The following ZMIZ2 variants were observed in gnomAD, a reference collection of about 807,000 sequenced individuals.
ZMIZ2 encodes the protein zinc finger MIZ-type containing 2, also known as zinc finger MIZ domain-containing protein 2.
ZMIZ2 carries 26 observed loss-of-function variants against 93.9 expected under a neutral mutation model. The ratio of observed to expected loss-of-function variants is 0.28; its 90% CI spans 0.20 to 0.38. The LOEUF (loss-of-function observed/expected upper bound fraction) is 0.38, where lower values mean the gene tolerates loss of function less well. Ranked by LOEUF, ZMIZ2 falls within the 10% of genes least tolerant of loss-of-function variation. ZMIZ2 has a pLI of 1.00. For missense variants in ZMIZ2, 1,023 were observed against 1,235.0 expected, an observed-to-expected ratio of 0.83 and a Z score of 2.57; for synonymous variants, 485 against 516.4, an observed-to-expected ratio of 0.94 and a Z score of 0.82.
At chr7:44,758,182 TAA>T (rs920331122) in intron 6 of ZMIZ2, 74 bp downstream of exon 6, 101 of 1,449,220 alleles carry the variant, frequency 7.0e-5, no homozygotes, top group Non-Finnish European at 8.7e-5. Context: ...AGAGCTGTGG[TAA>T]AGAGCAGGCT....
chr7:44,766,881 G>A lies in ZMIZ2; in HGVS notation c.2655+218G>A, dbSNP rs538367701. 3.3e-5 allele frequency among the ~76,000 whole-genome samples: 5 copies of A among 152,264 alleles called. No homozygotes were observed. In the South Asian group the frequency reaches 6.2e-4, roughly 19 times the overall value. On this transcript the variant is annotated intron_variant, in intron 18 of 18. Coordinates refer to ENST00000309315, the MANE Select transcript of ZMIZ2 (RefSeq NM_031449.4). The surrounding 1 kb of genome is among the most constrained non-coding windows in gnomAD (Gnocchi z 4.4). ...TGTGTTCATGAGGGGCCTGGATGCC[G>A]TACGGGCGGACGCAGAGTCTCAGAG...
At chr7:44,759,963 C>T (rs1791002890) in intron 7 of ZMIZ2, 188 bp from the exon 8 acceptor site, 2 of 660,708 alleles carry the variant, frequency 3.0e-6, no homozygotes, top group Non-Finnish European at 5.1e-6. Context: ...TCTTTTCAGC[C>T]CCTCCAACCT....
At chr7:44,757,321 C>T in intron 4 of ZMIZ2, 57 bp from the exon 5 acceptor site, 1 of 1,570,560 alleles carries the variant, frequency 6.4e-7, no homozygotes, top group African/African-American at 1.4e-5. Flanking sequence ...GGGGTGAGCA[C>T]AGTCCTGGCC....
intron 1 of ZMIZ2, among the ~76,000 whole-genome samples, chr7:44,752,188 G>A (rs991087664): frequency 3.6e-4 from 54 of 151,100 alleles, no homozygotes; most frequent in African/African-American, 1.3e-3. Flanking sequence ...GGAGTGCAAT[G>A]GTGCGATCGG....
chr7:44,761,420 A>T lies in ZMIZ2; in HGVS notation c.1241-29A>T, dbSNP rs764814245. On this transcript the variant is annotated intron_variant, in intron 9 of 18. Transcript: ENST00000309315. The surrounding 1 kb of genome is among the most constrained non-coding windows in gnomAD (Gnocchi z 5.8). ...CAAGACGCTCTGGCTGGGGCAACCCAGCTCACAGCCAGTGGCCTCTGCTCC... is the reference window on the plus strand; with the variant it reads ...CAAGACGCTCTGGCTGGGGCAACCCTGCTCACAGCCAGTGGCCTCTGCTCC... 6.2e-7 allele frequency: 1 copy of T among 1,608,046 alleles called. No individual in the cohort carries two copies. The highest frequency in any genetic ancestry group is 1.1e-5 in the South Asian group (1 of 90,842).
rs1439659264 is a variant in ZMIZ2, at chr7:44,765,630, T to C, written c.2242+51T>C. On this transcript the variant is annotated intron_variant, in intron 16 of 18. Coordinates refer to ENST00000309315, the MANE Select transcript of ZMIZ2 (RefSeq NM_031449.4). The surrounding 1 kb of genome is among the most constrained non-coding windows in gnomAD (Gnocchi z 4.1). ...CCTCAGATGACCCTGGGCATATGGCTCCTCTCCCCAGATCAGTCTCCTCAC... is the reference window on the plus strand; with the variant it reads ...CCTCAGATGACCCTGGGCATATGGCCCCTCTCCCCAGATCAGTCTCCTCAC... 1.3e-6 allele frequency: 2 copies of C among 1,560,054 alleles called. No homozygotes were observed. The highest frequency in any genetic ancestry group is 1.7e-6 in the Non-Finnish European group (2 of 1,156,118).
At position 44,759,480 on chromosome 7, in the gene ZMIZ2, G is replaced by T; in HGVS notation, c.993+20G>T. 2.1e-6 allele frequency: 3 copies of T among 1,458,306 alleles called. No individual in the cohort carries two copies. The highest frequency in any genetic ancestry group is 2.7e-6 in the Non-Finnish European group (3 of 1,101,666). The allele number at this position is 1,458,306 out of a possible 1,614,324, so 90.3% of individuals were successfully genotyped here. ...TATAAGGTAGGGCAGGCTCCTCCAG[G>T]CCCTGTGCCGGGCTCCGTGCTGAGT... On this transcript the variant is annotated intron_variant, in intron 7 of 18. Coordinates refer to ENST00000309315, the MANE Select transcript of ZMIZ2 (RefSeq NM_031449.4).
chr7:44,768,951 C>T lies in ZMIZ2; in HGVS notation c.*1328C>T, dbSNP rs960217221. On this transcript the variant is annotated 3_prime_UTR_variant, in exon 19 of 19. Transcript: ENST00000309315. The stretch of plus-strand genomic sequence containing the variant: ...GCTGAAGAGCTGTTTTGTGAAGCAT[C>T]CCAGGCTTGCCCAGGAGAGACATTT... 2 of 152,646 alleles carry T rather than the reference C, an allele frequency of 1.3e-5. No individual in the cohort carries two copies. The highest frequency in any genetic ancestry group is 4.8e-5 in the African/African-American group (2 of 41,476). The allele number at this position is 152,646 out of a possible 1,614,324, so 9.5% of individuals were successfully genotyped here. A position where few individuals can be genotyped will look rare whatever the true frequency, so the allele number is the denominator to read the frequency against.
At position 44,757,409 on chromosome 7, in the gene ZMIZ2, C is replaced by G. The variant is rs375616323; in HGVS notation, c.400C>G (p.Pro134Ala). 6.2e-5 allele frequency: 99 copies of G among 1,603,356 alleles called. No individual in the cohort carries two copies. The highest frequency in any genetic ancestry group is 8.0e-5 in the Non-Finnish European group (94 of 1,179,630). Residue 134 changes from proline (P) to alanine (A), a missense_variant, in exon 5 of 19, where the codon CCC becomes GCC. Pro to Ala is a conservative substitution (Grantham distance 27). This residue lies in a region of ZMIZ2 where 656 missense variants were observed against 777.1 expected (regional missense o/e 0.84). Coordinates refer to ENST00000309315, the MANE Select transcript of ZMIZ2 (RefSeq NM_031449.4). The part of the protein sequence containing the change: ...YAGGPGGLGL[P>A]SHAARPSTDF... Reference sequence around the variant, plus strand: ...AGGCGGCCCGGGGGGCCTGGGCCTCCCCTCACATGCTGCAAGACCCTCCAC... The same window carrying G: ...AGGCGGCCCGGGGGGCCTGGGCCTCGCCTCACATGCTGCAAGACCCTCCAC...
In ZMIZ2 at chr7:44,765,403, T is replaced by C. The variant is rs369302892; in HGVS notation, c.2066T>C (p.Met689Thr). Residue 689 changes from methionine to threonine, a missense_variant, in exon 16 of 19, where the codon ATG (methionine) becomes ACG (threonine). Around this residue, in one of 3 missense-constraint regions of ZMIZ2, gnomAD observed 319 missense variants for 358.8 expected, o/e 0.89. Transcript: ENST00000309315. The surrounding 1 kb of genome is among the most constrained non-coding windows in gnomAD (Gnocchi z 4.1). ...SWKPVPVKPDMHIKEEPDGPA... is the reference protein window; with the variant it reads ...SWKPVPVKPDTHIKEEPDGPA... ...AAGCCAGTGCCCGTGAAGCCTGACA[T>C]GCACATCAAGGAGGAGCCGGATGGG... The C allele has an allele frequency of 5.6e-6, 9 of 1,612,790 alleles. 1 individual carries two copies. Among genetic ancestry groups the C allele is most frequent in the Non-Finnish European group, 7.6e-6 (9 of 1,179,982 alleles).
At position 44,761,040 on chromosome 7, in the gene ZMIZ2, C is replaced by T. The variant is rs915395617; in HGVS notation, c.1241-409C>T. Among the ~76,000 whole-genome samples the T allele has an allele frequency of 1.3e-5, 2 of 152,114 alleles. No homozygotes were observed. Among genetic ancestry groups the T allele is most frequent in the Non-Finnish European group, 1.5e-5 (1 of 68,020 alleles). ...ACCCCGGAAGCCCATTCCAGGGAGA[C>T]CACAGCAGCAGAAGTTGGGATCGTA... is the stretch of plus-strand genomic sequence containing the variant. On this transcript the variant is annotated intron_variant, in intron 9 of 18. Coordinates refer to ENST00000309315, the MANE Select transcript of ZMIZ2 (RefSeq NM_031449.4). The surrounding 1 kb of genome is among the most constrained non-coding windows in gnomAD (Gnocchi z 5.8).
At chr7:44,756,862 G>A in intron 3 of ZMIZ2, 85 bp from the exon 4 acceptor site, 2 of 1,543,030 alleles carry the variant, frequency 1.3e-6, no homozygotes, top group Admixed American at 1.9e-5. Context: ...CACTTGCCAG[G>A]CCTGTTGGTT....
chr7:44,765,836 G>A lies in ZMIZ2; in HGVS notation c.2242+257G>A, dbSNP rs1479067608. 7 of 1,103,626 alleles carry A rather than the reference G, an allele frequency of 6.3e-6. No individual in the cohort carries two copies. Among genetic ancestry groups the A allele is most frequent in the Non-Finnish European group, 7.5e-6 (6 of 803,902 alleles). 68.4% of individuals were successfully genotyped at this position (1,103,626 alleles called of 1,614,324 possible). A position where few individuals can be genotyped will look rare whatever the true frequency, so the allele number is the denominator to read the frequency against. ...ACCCTTCCTTCCCCGTTTGGATTAA[G>A]GGGCTCCTGGCTGGAACACCTCACA... On this transcript the variant is annotated intron_variant, in intron 16 of 18. Transcript: ENST00000309315. This position sits in a 1 kb window ranked among gnomAD's most constrained non-coding sequence, Gnocchi z 4.1.
At chr7:44,750,244 TTCACTGAAATGTC>T (rs1790018533) in intron 1 of ZMIZ2, among the ~76,000 whole-genome samples, 1 of 152,226 alleles carries the variant, frequency 6.6e-6, no homozygotes, top group South Asian at 2.1e-4. Flanking sequence ...CCTTCAGCTG[TTCACTGAAATGTC>T]TCATGCCTGG....
At chr7:44,755,607 T>C (rs1442509671) in intron 1 of ZMIZ2, among the ~76,000 whole-genome samples, 4 of 152,164 alleles carry the variant, frequency 2.6e-5, no homozygotes, top group African/African-American at 7.2e-5. Context: ...GAGTTGTTGG[T>C]TGACCACTGC....
Position 44,760,574 on chromosome 7 carries a change from C to T in ZMIZ2, c.1221C>T (p.Ser407=), listed in dbSNP as rs1169668537. ...FLPDLKPNLN[S]LHSSPSGSGP... ...CTGATCTCAAGCCCAACCTCAACTC[C>T]TTGCACTCATCGCCCTCTGGTAAGT... is the stretch of plus-strand genomic sequence containing the variant. The change falls in exon 9 of 19, where the codon TCC becomes TCT. Residue 407 remains serine, a synonymous_variant. Transcript: ENST00000309315. 11 of 1,614,038 alleles carry T rather than the reference C, an allele frequency of 6.8e-6. No individual in the cohort carries two copies. Among genetic ancestry groups the T allele is most frequent in the South Asian group, 2.2e-5 (2 of 91,072 alleles).
In ZMIZ2 at chr7:44,761,865, G is replaced by T. The variant is rs749813609; in HGVS notation, c.1556G>T (p.Gly519Val). 23 of 1,613,814 alleles carry T rather than the reference G, an allele frequency of 1.4e-5. No homozygotes were observed. The highest frequency in any genetic ancestry group is 1.6e-4 in the Middle Eastern group (1 of 6,082). ...TACCTGAAGCATGTGTGCCAGCCAG[G>T]CCGCAACACCATCCAGATCACCGTC... ...PLYLKHVCQP[G>V]RNTIQITVTA... is the part of the protein sequence containing the mutation. The change falls in exon 11 of 19, where the codon GGC becomes GTC. Residue 519 changes from glycine (G) to valine (V), a missense_variant. Transcript: ENST00000309315. This position sits in a 1 kb window ranked among gnomAD's most constrained non-coding sequence, Gnocchi z 5.8.
At position 44,748,939 on chromosome 7, in the gene ZMIZ2, G is replaced by A. The variant is rs1484849647; in HGVS notation, c.-115G>A. The A allele has an allele frequency of 6.8e-6, 1 of 148,062 alleles. No individual in the cohort carries two copies. The highest frequency in any genetic ancestry group is 1.5e-5 in the Non-Finnish European group (1 of 66,160). The allele number at this position is 148,062 out of a possible 1,614,324, so 9.2% of individuals were successfully genotyped here. A position where few individuals can be genotyped will look rare whatever the true frequency, so the allele number is the denominator to read the frequency against. On this transcript the variant is annotated 5_prime_UTR_variant, in exon 1 of 19. Coordinates refer to ENST00000309315, the MANE Select transcript of ZMIZ2 (RefSeq NM_031449.4). ...GCGGAGGGCGGGCTGAGCGCATGGA[G>A]CGGCGCGGGCCGGGGGCCGCCACGG...
chr7:44,757,537 C>T lies in ZMIZ2; in HGVS notation c.528C>T (p.Ser176=), dbSNP rs748715626. 11 of 1,608,186 alleles carry T rather than the reference C, an allele frequency of 6.8e-6. No individual in the cohort carries two copies. Among genetic ancestry groups the T allele is most frequent in the Middle Eastern group, 1.7e-4 (1 of 6,032 alleles). ...ATVAALQEKQ[S]QELSQYGAMG... ...TGGCTGCTCTCCAGGAGAAGCAGAG[C>T]CAGGAGCTGAGCCAGTATGGAGCGG... is the stretch of plus-strand genomic sequence containing the variant. The change falls in exon 5 of 19, where the codon AGC becomes AGT. Residue 176 remains serine (S), a synonymous_variant. Transcript: ENST00000309315.
Sources: allele counts gnomAD v4.1 joint callset (sites outside exome capture counted in the v4.1 genomes callset), GRCh38; gene constraint gnomAD v4.1.1; regional missense constraint gnomAD v4.1.1; non-coding constraint Gnocchi (gnomAD v3.1); transcripts MANE v1.5; gene names NCBI Gene and HGNC (gene_info 2026-07-23, HGNC 2026-07-21).